The following RBKS variants were observed in gnomAD, a reference collection of about 807,000 sequenced individuals.
RBKS encodes the protein ribokinase.
Under a neutral mutation model 33.9 loss-of-function variants are expected in RBKS, and 33 were observed. The ratio of observed to expected loss-of-function variants is 0.97; its 90% CI spans 0.74 to 1.30. RBKS has a LOEUF of 1.30. RBKS is among the 50% of genes most tolerant of loss of function. RBKS has a pLI of 0.00. For synonymous variants in RBKS, 125 were observed against 143.0 expected (o/e 0.87, Z 0.90); for missense variants, 361 against 392.6 (o/e 0.92, Z 0.68).
chr2:27,834,386 G>A (rs1444297076), intron 5 of RBKS, among the ~76,000 whole-genome samples: 1 of 152,142 alleles, frequency 6.6e-6, no homozygotes, highest in Non-Finnish European at 1.5e-5. Flanking sequence ...TAGAGTTATT[G>A]TGCAGCTTAA....
intron 1 of RBKS, among the ~76,000 whole-genome samples, chr2:27,867,653 A>G (rs969752318): frequency 6.6e-6 from 1 of 152,138 alleles, no homozygotes; most frequent in African/African-American, 2.4e-5. Flanking sequence ...ATCTTTTTGG[A>G]TAATTATATA....
intron 7 of RBKS, among the ~76,000 whole-genome samples, chr2:27,820,980 C>T (rs931957195): frequency 4.5e-5 from 6 of 133,022 alleles, no homozygotes; most frequent in African/African-American, 1.4e-4. Context: ...GCAGAGGTTG[C>T]GGTGAGCCGA....
chr2:27,833,316 T>G (rs1411291321), intron 5 of RBKS, among the ~76,000 whole-genome samples: 1 of 152,116 alleles, frequency 6.6e-6, no homozygotes, highest in Non-Finnish European at 1.5e-5. Context: ...GCCTCCCAAA[T>G]ATATCACAAT....
chr2:27,811,335 C>T (rs1453212155), intron 7 of RBKS, among the ~76,000 whole-genome samples: 1 of 152,188 alleles, frequency 6.6e-6, no homozygotes, highest in Non-Finnish European at 1.5e-5. Flanking sequence ...GTGTCCCTGG[C>T]ATACCAGTGT....
chr2:27,877,395 A>G (rs564972960), intron 1 of RBKS, among the ~76,000 whole-genome samples: 1 of 152,106 alleles, frequency 6.6e-6, no homozygotes, highest in South Asian at 2.1e-4. Flanking sequence ...CCTCCAGTTA[A>G]TATTTGTAAA....
rs12617113 is a variant in RBKS at position 27,837,070 on chromosome 2, A to G, written c.515-4293T>C. Among the ~76,000 whole-genome samples, 51,382 of 151,822 alleles carry G rather than the reference A, an allele frequency of 0.34. 10,593 individuals carry two copies. Among genetic ancestry groups the G allele is most frequent in the East Asian group, 0.63 (3,255 of 5,168 alleles). On this transcript the variant is annotated intron_variant, in intron 5 of 7. Coordinates refer to ENST00000302188, the MANE Select transcript of RBKS (RefSeq NM_022128.3). The surrounding 1 kb of genome is among the most constrained non-coding windows in gnomAD (Gnocchi z 4.0). ...GGCAGATCACGAGGATCGGGAGATT[A>G]AGATCATCCTGGCTAACACGGTGAA...
intron 1 of RBKS, among the ~76,000 whole-genome samples, chr2:27,883,790 G>C (rs1664469850): frequency 6.8e-6 from 1 of 147,474 alleles, no homozygotes; most frequent in South Asian, 2.2e-4. Flanking sequence ...TAAACTCCTG[G>C]GTTCAAACAA....
Position 27,862,032 on chromosome 2 carries a change from C to T in RBKS, c.90-3461G>A, listed in dbSNP as rs1405778393. Among the ~76,000 whole-genome samples the T allele has an allele frequency of 2.0e-5, 3 of 149,464 alleles. No individual in the cohort carries two copies. In the East Asian group the frequency reaches 5.9e-4, roughly 29 times the overall value. ...ACACAAAAATGGCTCACTGGAGCCT[C>T]AACTTCCTGGGCTCAGATGATCCTC... On this transcript the variant is annotated intron_variant, in intron 1 of 7. Coordinates refer to ENST00000302188, the MANE Select transcript of RBKS (RefSeq NM_022128.3).
intron 7 of RBKS, among the ~76,000 whole-genome samples, chr2:27,794,825 T>A (rs1055011820): frequency 1.3e-5 from 2 of 152,084 alleles, no homozygotes; most frequent in African/African-American, 4.8e-5. Flanking sequence ...GGTTTCAACA[T>A]GTTGGCCAGG....
intron 6 of RBKS, among the ~76,000 whole-genome samples, chr2:27,831,922 A>G (rs761338823): frequency 2.0e-5 from 3 of 152,222 alleles, no homozygotes; most frequent in Non-Finnish European, 4.4e-5. Flanking sequence ...CTCAAAAACA[A>G]AAAGTAGAAA....
chr2:27,833,147 T>C (rs1573053532), intron 5 of RBKS, among the ~76,000 whole-genome samples: 1 of 152,174 alleles, frequency 6.6e-6, no homozygotes, highest in South Asian at 2.1e-4. Context: ...TTTTTGTGGG[T>C]TACTTTAAGT....
intron 7 of RBKS, 73 bp downstream of exon 7, chr2:27,827,494 G>A (rs1678334276): frequency 1.5e-6 from 2 of 1,328,142 alleles, no homozygotes; most frequent in Admixed American, 5.3e-5. Context: ...CAAAAATTCA[G>A]GTACAGCATC....
chr2:27,883,324 C>A (rs979054372), intron 1 of RBKS, among the ~76,000 whole-genome samples: 1 of 152,216 alleles, frequency 6.6e-6, no homozygotes, highest in East Asian at 1.9e-4. Flanking sequence ...CTCAGCCTCC[C>A]GAGTAGCTGG....
At chr2:27,791,613 T>TACACACACACACACACAC (rs59707075) in intron 7 of RBKS, among the ~76,000 whole-genome samples, 3 of 140,968 alleles carry the variant, frequency 2.1e-5, no homozygotes, top group African/African-American at 8.4e-5. Context: ...ATAATAAATC[T>TACACACACACACACACAC]ACACACACAC....
intron 2 of RBKS, among the ~76,000 whole-genome samples, chr2:27,856,005 G>T (rs146211323): frequency 0.013 from 2,031 of 152,210 alleles, 60 homozygotes; most frequent in African/African-American, 0.046. Context: ...TTAAAAAACT[G>T]CTATAAAGCA....
intron 7 of RBKS, among the ~76,000 whole-genome samples, chr2:27,824,548 T>G (rs1366817722): frequency 6.6e-6 from 1 of 152,264 alleles, no homozygotes; most frequent in African/African-American, 2.4e-5. Context: ...TGTTGTTGTA[T>G]GTATCAGTAT....
chr2:27,860,577 C>A (rs923691611), intron 1 of RBKS, among the ~76,000 whole-genome samples: 1 of 152,010 alleles, frequency 6.6e-6, no homozygotes, highest in African/African-American at 2.4e-5. Flanking sequence ...TAAAAATCAC[C>A]AGATTATTAC....
At chr2:27,790,810 T>C (rs1303456603) in intron 7 of RBKS, among the ~76,000 whole-genome samples, 1 of 152,250 alleles carries the variant, frequency 6.6e-6, no homozygotes, top group Non-Finnish European at 1.5e-5. Flanking sequence ...AGAAGTCTTA[T>C]TCATTGCTTG....
intron 1 of RBKS, among the ~76,000 whole-genome samples, chr2:27,859,681 A>G (rs1663932717): frequency 6.6e-6 from 1 of 152,238 alleles, no homozygotes; most frequent in African/African-American, 2.4e-5. Flanking sequence ...GGGAGCAGAT[A>G]AAAAGAGGGT....
Sources: allele counts gnomAD v4.1 joint callset (sites outside exome capture counted in the v4.1 genomes callset), GRCh38; gene constraint gnomAD v4.1.1; non-coding constraint Gnocchi (gnomAD v3.1); transcripts MANE v1.5; gene names NCBI Gene and HGNC (gene_info 2026-07-23, HGNC 2026-07-21).